The following RALGPS1 variants were observed in gnomAD, a reference collection of about 807,000 sequenced individuals.
RALGPS1 encodes Ral GEF with PH domain and SH3 binding motif 1.
In RALGPS1, 19 loss-of-function variants were observed where a neutral mutation model predicts 78.8. The observed-to-expected ratio is 0.24, with a 90% CI of 0.17 to 0.35. The LOEUF is 0.35. Among genes scored for constraint, RALGPS1 ranks in the 10% least tolerant of loss-of-function variants. RALGPS1 has a pLI of 1.00. For synonymous variants in RALGPS1, 228 were observed against 256.3 expected (o/e 0.89, Z 1.06); for missense variants, 454 against 688.3 (o/e 0.66, Z 3.81).
intron 8 of RALGPS1, chr9:127,069,892 G>A (rs1362787620): frequency 6.6e-6 from 1 of 152,142 alleles, no homozygotes; most frequent in African/African-American, 2.4e-5. Context: ...AAATATGTAT[G>A]CTTACTCTAT....
chr9:127,022,421 C>T (rs34615171), intron 4 of RALGPS1, among the ~76,000 whole-genome samples: 108 of 152,192 alleles, frequency 7.1e-4, no homozygotes, highest in Non-Finnish European at 1.4e-3. Context: ...TGCTCTCCCT[C>T]ATGGCATCAG....
At chr9:126,975,229 C>G (rs1469092861) in intron 3 of RALGPS1, among the ~76,000 whole-genome samples, 1 of 152,148 alleles carries the variant, frequency 6.6e-6, no homozygotes, top group Non-Finnish European at 1.5e-5. Context: ...AGTCTGGTGA[C>G]CTCTGTTGTT....
At chr9:126,974,754 C>T (rs989549313) in intron 3 of RALGPS1, among the ~76,000 whole-genome samples, 10 of 152,036 alleles carry the variant, frequency 6.6e-5, no homozygotes, top group East Asian at 3.9e-4. Flanking sequence ...CACTACTGGC[C>T]GGATTTGCTG....
At chr9:127,135,802 C>T (rs886507008) in intron 8 of RALGPS1, among the ~76,000 whole-genome samples, 2 of 152,010 alleles carry the variant, frequency 1.3e-5, no homozygotes, top group African/African-American at 2.4e-5. Flanking sequence ...CTCCCAGAGC[C>T]GTAAATAACT....
At chr9:127,050,159 T>C in intron 6 of RALGPS1, 27 bp downstream of exon 6, 2 of 1,544,134 alleles carry the variant, frequency 1.3e-6, no homozygotes, top group Non-Finnish European at 1.8e-6. Context: ...TATTTTTCCT[T>C]CCTTTCCCTC....
At chr9:127,037,084 C>T (rs1449186497) in intron 5 of RALGPS1, among the ~76,000 whole-genome samples, 1 of 152,150 alleles carries the variant, frequency 6.6e-6, no homozygotes, top group Non-Finnish European at 1.5e-5. Context: ...CAGGAAGAAT[C>T]ATTTTAAGTG....
At chr9:127,069,542 G>A (rs1180898051) in intron 8 of RALGPS1, 186 bp downstream of exon 8, 2 of 597,956 alleles carry the variant, frequency 3.3e-6, no homozygotes, top group Non-Finnish European at 2.9e-6. Flanking sequence ...CTGGATTAGG[G>A]TGATATACAA....
intron 5 of RALGPS1, among the ~76,000 whole-genome samples, chr9:127,044,373 C>T: frequency 6.6e-6 from 1 of 152,092 alleles, no homozygotes; most frequent in East Asian, 1.9e-4. Flanking sequence ...TCTCCTGCCC[C>T]AGCCTCCTGA....
intron 8 of RALGPS1, among the ~76,000 whole-genome samples, chr9:127,115,162 A>G (rs1322035667): frequency 2.0e-5 from 3 of 151,994 alleles, no homozygotes; most frequent in African/African-American, 7.3e-5. Context: ...GCCCCAGTTG[A>G]GGTCTGTTGT....
chr9:127,202,520 G>T (rs949012265), intron 14 of RALGPS1, among the ~76,000 whole-genome samples: 1 of 152,164 alleles, frequency 6.6e-6, no homozygotes, highest in African/African-American at 2.4e-5. Flanking sequence ...GAACAAGGGT[G>T]CAGAGAGCAA....
rs577232750 is a variant in RALGPS1, at chr9:127,148,379, A to G, written c.611-17690A>G. On this transcript the variant is annotated intron_variant, in intron 8 of 18. Coordinates refer to ENST00000259351, the MANE Select transcript of RALGPS1 (RefSeq NM_014636.3). ...TCAGTGCTTGGCCATTGTCAGGCCC[A>G]TAAGGGGAGTAGGGAGCGTCTGTTT... is the stretch of plus-strand genomic sequence containing the variant. Among the ~76,000 whole-genome samples, 3 of 152,358 alleles carry G rather than the reference A, an allele frequency of 2.0e-5. No individual in the cohort carries two copies. In the South Asian group the frequency reaches 6.2e-4, roughly 32 times the overall value.
chr9:126,974,958 A>G (rs1439264435), intron 3 of RALGPS1, among the ~76,000 whole-genome samples: 1 of 151,040 alleles, frequency 6.6e-6, no homozygotes, highest in Non-Finnish European at 1.5e-5. Context: ...ACCCCTACCC[A>G]TACTTCCCAC....
intron 4 of RALGPS1, among the ~76,000 whole-genome samples, chr9:127,032,000 G>A (rs879519108): frequency 6.6e-6 from 1 of 152,208 alleles, no homozygotes; most frequent in Non-Finnish European, 1.5e-5. Context: ...AGAGAGAATG[G>A]TGTGGGAAAA....
chr9:126,943,140 T>C (rs975375893), intron 1 of RALGPS1, among the ~76,000 whole-genome samples: 2 of 152,164 alleles, frequency 1.3e-5, no homozygotes, highest in Admixed American at 6.5e-5. Context: ...ACAGATTTTT[T>C]CCTTTTTTTC....
rs761899711 is a variant in RALGPS1 at position 127,168,789 on chromosome 9, T to C, written c.842+17T>C. On this transcript the variant is annotated intron_variant, in intron 10 of 18. Transcript: ENST00000259351. The stretch of plus-strand genomic sequence containing the variant: ...CAACTACAAGTAAGTCCCCACGTAT[T>C]CCTGTGTCAGGCCTCCCAGCCCCAC... 1 of 1,586,290 alleles carries C rather than the reference T, an allele frequency of 6.3e-7. No homozygotes were observed. The highest frequency in any genetic ancestry group is 1.1e-5 in the South Asian group (1 of 90,498).
At chr9:127,061,368 T>G (rs2049199218) in intron 7 of RALGPS1, among the ~76,000 whole-genome samples, 2 of 152,240 alleles carry the variant, frequency 1.3e-5, no homozygotes, top group Admixed American at 1.3e-4. Context: ...TTGCTGTTCA[T>G]GCTTAGCAGT....
At chr9:126,952,654 A>AGTGTGT (rs1392225698) in intron 1 of RALGPS1, among the ~76,000 whole-genome samples, 72 of 138,092 alleles carry the variant, frequency 5.2e-4, no homozygotes, top group Admixed American at 8.6e-4. Flanking sequence ...AGAGAGAGAG[A>AGTGTGT]GAGTGTGTGT....
chr9:127,170,827 T>C (rs2059532698), intron 10 of RALGPS1, among the ~76,000 whole-genome samples: 1 of 152,220 alleles, frequency 6.6e-6, no homozygotes, highest in African/African-American at 2.4e-5. Flanking sequence ...CTCTTTGTTG[T>C]GGTCAAAGTG....
At chr9:127,043,251 A>T (rs2047468335) in intron 5 of RALGPS1, among the ~76,000 whole-genome samples, 2 of 152,226 alleles carry the variant, frequency 1.3e-5, no homozygotes, top group Non-Finnish European at 1.5e-5. Flanking sequence ...ACAGCATGGT[A>T]TTGGCGAAAG....
Sources: allele counts gnomAD v4.1 joint callset (sites outside exome capture counted in the v4.1 genomes callset), GRCh38; gene constraint gnomAD v4.1.1; transcripts MANE v1.5; gene names NCBI Gene and HGNC (gene_info 2026-07-23, HGNC 2026-07-21).